Variants in TRMT9B observed in about 807,000 individuals in gnomAD.
TRMT9B encodes probable tRNA methyltransferase 9B.
A neutral mutation model predicts 11.5 loss-of-function variants in TRMT9B; 16 were observed. The ratio of observed to expected loss-of-function variants is 1.39; its 90% CI spans 0.94 to 2.11. The LOEUF is 2.11. Ranked by LOEUF, TRMT9B falls within the 30% of genes most tolerant of loss-of-function variation. The probability of loss-of-function intolerance (pLI) is 0.00; values close to 1 mark genes in which losing one functional copy is unlikely to be tolerated. For synonymous variants in TRMT9B, 274 were observed against 192.4 expected, an observed-to-expected ratio of 1.42 and a Z score of -3.51; for missense variants, 941 against 553.8, an observed-to-expected ratio of 1.70 and a Z score of -7.02.
At chr8:13,018,915 A>G (rs535129367) in intron 4 of TRMT9B, among the ~76,000 whole-genome samples, 1 of 152,372 alleles carries the variant, frequency 6.6e-6, no homozygotes, top group East Asian at 1.9e-4. Flanking sequence ...AAGCACAAAC[A>G]TGCAGAAAAT....
At position 12,999,891 on chromosome 8, in the gene TRMT9B, T is replaced by C. The variant is rs542707797; in HGVS notation, c.-1-6311T>C. Among the ~76,000 whole-genome samples the C allele has an allele frequency of 5.5e-3, 843 of 152,308 alleles. 10 individuals carry two copies. The highest frequency in any genetic ancestry group is 0.02 in the African/African-American group (816 of 41,558). On this transcript the variant is annotated intron_variant, in intron 2 of 4. Coordinates refer to ENST00000524591, the MANE Select transcript of TRMT9B (RefSeq NM_020844.3). ...ACTGTCCGGTTTTCTCTCAATTTTA[T>C]TATAATATATCTCTACGAGAAAGAA...
At chr8:13,017,916 C>T (rs1266084531) in intron 4 of TRMT9B, among the ~76,000 whole-genome samples, 5 of 151,824 alleles carry the variant, frequency 3.3e-5, no homozygotes, top group African/African-American at 9.7e-5. Context: ...GAGGCACCAT[C>T]CGTGGCCAGC....
chr8:12,965,925 A>T (rs529682337), intron 1 of TRMT9B, among the ~76,000 whole-genome samples: 1 of 151,924 alleles, frequency 6.6e-6, no homozygotes, highest in African/African-American at 2.4e-5. Context: ...AGGCAGGAGA[A>T]CCACTTGAAC....
chr8:13,012,699 A>T lies in TRMT9B; in HGVS notation c.170A>T (p.Lys57Ile). ...LIADIGCGTGKYLKVNSQVHT... is the reference protein window; with the variant it reads ...LIADIGCGTGIYLKVNSQVHT... ...TCTCTTATAGGTTGTGGGACTGGAA[A>T]ATATCTTAAAGTGAACAGCCAGGTA... Residue 57 changes from lysine (K) to isoleucine (I), a missense_variant, in exon 4 of 5, where the codon AAA becomes ATA. By Grantham distance (102) the Lys-to-Ile change is moderately radical (BLOSUM62 -3). Transcript: ENST00000524591. 2 of 1,613,032 alleles carry T rather than the reference A, an allele frequency of 1.2e-6. No individual in the cohort carries two copies. The highest frequency in any genetic ancestry group is 1.7e-6 in the Non-Finnish European group (2 of 1,179,332).
rs533584726 is a variant in TRMT9B at position 13,012,869 on chromosome 8, A to G, written c.328+12A>G. ...CATCTCCATAGGAGGTAAGGCAGCC[A>G]GATCACACATTCACCCTTTGCCATG... On this transcript the variant is annotated intron_variant, in intron 4 of 4. Transcript: ENST00000524591. The G allele has an allele frequency of 1.2e-6, 2 of 1,612,646 alleles. No individual in the cohort carries two copies. The highest frequency in any genetic ancestry group is 1.7e-6 in the Non-Finnish European group (2 of 1,179,344).
chr8:13,026,286 C>G lies in TRMT9B; in HGVS notation c.*4242C>G, dbSNP rs888570594. 2 of 167,088 alleles carry G rather than the reference C, an allele frequency of 1.2e-5. No individual in the cohort carries two copies. The highest frequency in any genetic ancestry group is 4.8e-5 in the African/African-American group (2 of 41,460). 10.4% of individuals were successfully genotyped at this position (167,088 alleles called of 1,614,324 possible). Reference sequence around the variant, plus strand: ...TTCAACTATCGCAAGGACAAAAAACCAAACACCGCATGTTCTCACTCATAG... The same window carrying G: ...TTCAACTATCGCAAGGACAAAAAACGAAACACCGCATGTTCTCACTCATAG... On this transcript the variant is annotated 3_prime_UTR_variant, in exon 5 of 5. Coordinates refer to ENST00000524591, the MANE Select transcript of TRMT9B (RefSeq NM_020844.3).
chr8:12,954,396 CA>C (rs2128858111), intron 1 of TRMT9B, among the ~76,000 whole-genome samples: 2 of 152,256 alleles, frequency 1.3e-5, no homozygotes, highest in South Asian at 4.2e-4. Flanking sequence ...AAGACACAAG[CA>C]AGACATATTT....
chr8:12,998,068 C>T (rs1030681479), intron 2 of TRMT9B, among the ~76,000 whole-genome samples: 1 of 152,150 alleles, frequency 6.6e-6, no homozygotes, highest in Non-Finnish European at 1.5e-5. Context: ...GTTAAAGTCT[C>T]TCGCCCATTT....
intron 1 of TRMT9B, chr8:12,961,593 T>G (rs1802115074): frequency 6.7e-6 from 1 of 148,754 alleles, no homozygotes; most frequent in Non-Finnish European, 1.5e-5. Context: ...CCCAGCTACC[T>G]GAGAGGCTGA....
intron 1 of TRMT9B, among the ~76,000 whole-genome samples, chr8:12,982,149 G>T (rs1048729973): frequency 6.6e-6 from 1 of 152,068 alleles, no homozygotes; most frequent in African/African-American, 2.4e-5. Context: ...GGTCCCTCTA[G>T]TTCTCCAGTT....
chr8:13,021,355 T>A lies in TRMT9B; in HGVS notation c.676T>A (p.Phe226Ile), dbSNP rs1409008633. 1 of 1,613,944 alleles carries A rather than the reference T, an allele frequency of 6.2e-7. No homozygotes were observed. The highest frequency in any genetic ancestry group is 2.2e-5 in the East Asian group (1 of 44,900). Residue 226 changes from phenylalanine (F) to isoleucine (I), a missense_variant, in exon 5 of 5, where the codon TTT (phenylalanine) becomes ATT (isoleucine). Coordinates refer to ENST00000524591, the MANE Select transcript of TRMT9B (RefSeq NM_020844.3). ...GYEPAMARTC[F>I]ANISKEGEEE... is the part of the protein sequence containing the mutation. Reference sequence around the variant, plus strand: ...TGAACCTGCTATGGCAAGAACCTGTTTTGCAAATATTTCTAAGGAAGGCGA... The same window carrying A: ...TGAACCTGCTATGGCAAGAACCTGTATTGCAAATATTTCTAAGGAAGGCGA...
chr8:12,956,324 G>A (rs1338868380), intron 1 of TRMT9B, among the ~76,000 whole-genome samples: 2 of 152,174 alleles, frequency 1.3e-5, no homozygotes, highest in Non-Finnish European at 2.9e-5. Flanking sequence ...GGAAAGGTAA[G>A]AGGATATGTT....
At position 12,988,765 on chromosome 8, in the gene TRMT9B, G is replaced by T. The variant is rs193234628; in HGVS notation, c.-199-2069G>T. 2.7e-4 allele frequency among the ~76,000 whole-genome samples: 41 copies of T among 152,182 alleles called. 1 individual carries two copies. In the East Asian group the frequency reaches 5.8e-3, roughly 21 times the overall value. Reference sequence around the variant, plus strand: ...GGAACTACAATTCAAGATGAGATTTGGGTGGGGACACAGCCAAACCATATC... The same window carrying T: ...GGAACTACAATTCAAGATGAGATTTTGGTGGGGACACAGCCAAACCATATC... On this transcript the variant is annotated intron_variant, in intron 1 of 4. Transcript: ENST00000524591.
intron 2 of TRMT9B, 74 bp downstream of exon 2, chr8:12,991,105 T>A: frequency 1.5e-6 from 1 of 647,720 alleles, no homozygotes; most frequent in Non-Finnish European, 2.1e-6. Flanking sequence ...TTAGTGAACC[T>A]AATTCTTCCC....
Position 13,021,576 on chromosome 8 carries a change from A to G in TRMT9B, c.897A>G (p.Pro299=), listed in dbSNP as rs761481770. Residue 299 remains proline (P), a synonymous_variant, in exon 5 of 5, where the codon CCA becomes CCG. Transcript: ENST00000524591. ...HSSLDFDHQE[P]FSTKGQSLDE... ...GTTTAGACTTTGATCACCAAGAGCCATTTTCAACAAAAGGGCAAAGTTTAG... is the reference window on the plus strand; with the variant it reads ...GTTTAGACTTTGATCACCAAGAGCCGTTTTCAACAAAAGGGCAAAGTTTAG... The G allele has an allele frequency of 1.2e-5, 19 of 1,613,806 alleles. No homozygotes were observed. The Admixed American group carries it at 2.8e-4, about 24-fold the overall frequency.
At chr8:13,014,408 C>G (rs1364129836) in intron 4 of TRMT9B, among the ~76,000 whole-genome samples, 3 of 152,124 alleles carry the variant, frequency 2.0e-5, no homozygotes, top group Non-Finnish European at 1.5e-5. Flanking sequence ...ACCCTCCTAC[C>G]AGGTTGCAGA....
At chr8:12,946,851 T>C (rs569173319) in intron 1 of TRMT9B, among the ~76,000 whole-genome samples, 1 of 152,268 alleles carries the variant, frequency 6.6e-6, no homozygotes, top group Admixed American at 6.5e-5. Flanking sequence ...GAAGAAACCA[T>C]CCTATTCCCA....
chr8:13,011,946 C>G (rs1470355748), intron 3 of TRMT9B: 1 of 985,128 alleles, frequency 1.0e-6, no homozygotes, highest in African/African-American at 1.7e-5. Context: ...GTTTTGCAGT[C>G]AGCAAGTGGT....
intron 1 of TRMT9B, among the ~76,000 whole-genome samples, chr8:12,953,196 G>A (rs931667176): frequency 6.6e-6 from 1 of 151,246 alleles, no homozygotes; most frequent in African/African-American, 2.4e-5. Context: ...TGTGTAGAAA[G>A]AGCTAAAATA....
Sources: allele counts gnomAD v4.1 joint callset (sites outside exome capture counted in the v4.1 genomes callset), GRCh38; gene constraint gnomAD v4.1.1; transcripts MANE v1.5; gene names NCBI Gene and HGNC (gene_info 2026-07-23, HGNC 2026-07-21).